The following PSG3 variants were observed in gnomAD, a reference collection of about 807,000 sequenced individuals.
The protein encoded by PSG3 is pregnancy-specific beta-1-glycoprotein 3.
A neutral mutation model predicts 47.5 loss-of-function variants in PSG3; 61 were observed. The observed-to-expected ratio is 1.28, with a 90% CI of 1.05 to 1.59. The LOEUF is 1.59. Among genes scored for constraint, PSG3 ranks in the 40% most tolerant of loss-of-function variants. The probability of loss-of-function intolerance (pLI) is 0.00; values close to 1 mark genes in which losing one functional copy is unlikely to be tolerated. For synonymous variants in PSG3, 263 were observed against 198.4 expected (o/e 1.33, Z -2.74); for missense variants, 756 against 524.0 (o/e 1.44, Z -4.32).
intron 3 of PSG3, chr19:42,731,784 C>T (rs1256759256): frequency 2.0e-5 from 3 of 151,494 alleles, no homozygotes; most frequent in Non-Finnish European, 2.9e-5. Flanking sequence ...ATATTGATAT[C>T]GTCTTTAACT....
chr19:42,723,278 G>A (rs1969325518), intron 6 of PSG3, among the ~76,000 whole-genome samples: 1 of 152,216 alleles, frequency 6.6e-6, no homozygotes, highest in Non-Finnish European at 1.5e-5. Flanking sequence ...GTGTGGTTAA[G>A]TCTGCAGTGC....
chr19:42,735,807 T>C (rs1969554186), intron 2 of PSG3, among the ~76,000 whole-genome samples: 1 of 152,332 alleles, frequency 6.6e-6, no homozygotes, highest in Non-Finnish European at 1.5e-5. Flanking sequence ...ATGTGAGCTT[T>C]ATAGCAGGTT....
chr19:42,732,882 A>G lies in PSG3; in HGVS notation c.611T>C (p.Leu204Pro). 1.2e-6 allele frequency: 2 copies of G among 1,614,170 alleles called. No individual in the cohort carries two copies. Among genetic ancestry groups the G allele is most frequent in the South Asian group, 1.1e-5 (1 of 91,086 alleles). Residue 204 changes from leucine (L) to proline (P), a missense_variant, in exon 3 of 7, where the codon CTA becomes CCA. Transcript: ENST00000327495. ...TGCAGTGTACTTTGTGACACCAAATAGAAAGAGGGTCCTTTTGTTTTTGGA... is the reference window on the plus strand; with the variant it reads ...TGCAGTGTACTTTGTGACACCAAATGGAAAGAGGGTCCTTTTGTTTTTGGA... The part of the protein sequence containing the change: ...QLSKNKRTLF[L>P]FGVTKYTAGP...
At chr19:42,724,183 C>A (rs1301116558) in intron 5 of PSG3, among the ~76,000 whole-genome samples, 158 bp from the exon 6 acceptor site, 1 of 152,142 alleles carries the variant, frequency 6.6e-6, no homozygotes. Flanking sequence ...TATATTCTTG[C>A]AGTTTTTTTT....
Position 42,738,158 on chromosome 19 carries a change from C to A in PSG3, c.430+566G>T, listed in dbSNP as rs538956396. 4.6e-5 allele frequency among the ~76,000 whole-genome samples: 7 copies of A among 152,312 alleles called. No individual in the cohort carries two copies. The Middle Eastern group carries it at 0.014, about 296-fold the overall frequency. On this transcript the variant is annotated intron_variant, in intron 2 of 6. Coordinates refer to ENST00000327495, the MANE Select transcript of PSG3 (RefSeq NM_021016.4). ...GAGTGTCAGGTGAAGAAAGCTCTGT[C>A]CTTGCCCAGATGAGGCTCTGAGGGC... is the stretch of plus-strand genomic sequence containing the variant.
chr19:42,739,105 A>G lies in PSG3; in HGVS notation c.65-16T>C. 6.3e-7 allele frequency: 1 copy of G among 1,588,202 alleles called. No homozygotes were observed. ...AAAAGTAATGCTAGGAGGTGGAGAG[A>G]GCATCAGTCAATATTGAGACCTATG... On this transcript the variant is annotated splice_polypyrimidine_tract_variant and intron_variant, in intron 1 of 6. Coordinates refer to ENST00000327495, the MANE Select transcript of PSG3 (RefSeq NM_021016.4).
chr19:42,728,405 G>C (rs150196818), intron 5 of PSG3, among the ~76,000 whole-genome samples: 4 of 152,288 alleles, frequency 2.6e-5, no homozygotes, highest in Non-Finnish European at 4.4e-5. Context: ...CTGTGTCCCA[G>C]GTGCTGTGCC....
intron 3 of PSG3, among the ~76,000 whole-genome samples, chr19:42,730,399 A>T (rs980827406): frequency 4.3e-4 from 65 of 152,128 alleles, no homozygotes; most frequent in African/African-American, 1.1e-3. Flanking sequence ...CCTTACCTGG[A>T]ATGTGCAACT....
intron 2 of PSG3, among the ~76,000 whole-genome samples, chr19:42,735,570 G>T (rs1568753779): frequency 6.6e-6 from 1 of 152,128 alleles, no homozygotes; most frequent in Non-Finnish European, 1.5e-5. Context: ...GTTTCACCAT[G>T]TTAGCCAGGA....
At chr19:42,734,973 C>G (rs907612932) in intron 2 of PSG3, among the ~76,000 whole-genome samples, 5 of 152,148 alleles carry the variant, frequency 3.3e-5, no homozygotes, top group South Asian at 2.1e-4. Flanking sequence ...AAGTGAGATG[C>G]CAATGGTTTG....
chr19:42,725,888 ACC>A (rs1274829356), intron 5 of PSG3, among the ~76,000 whole-genome samples: 6 of 132,348 alleles, frequency 4.5e-5, no homozygotes, highest in Non-Finnish European at 6.6e-5. Context: ...AACAACAACA[ACC>A]AAAAAAAAAA....
rs11669434 is a variant in PSG3, at chr19:42,734,802, G to C, written c.431-1740C>G. Among the ~76,000 whole-genome samples the C allele has an allele frequency of 5.5e-3, 837 of 152,340 alleles. 3 individuals carry two copies. Among genetic ancestry groups the C allele is most frequent in the Admixed American group, 8.0e-3 (123 of 15,308 alleles). On this transcript the variant is annotated intron_variant, in intron 2 of 6. Transcript: ENST00000327495. ...TGCCAAACTAAAAGAAGTGATGTGT[G>C]TTATGTTAGTAAATATAGAAAGAAC...
At chr19:42,733,252 C>G (rs979485209) in intron 2 of PSG3, 190 bp from the exon 3 acceptor site, 3 of 1,265,022 alleles carry the variant, frequency 2.4e-6, no homozygotes, top group Non-Finnish European at 3.2e-6. Context: ...CTGCCTGCTT[C>G]GTGTGGGAGA....
In PSG3 at chr19:42,738,986, G is replaced by A. The variant is rs1298589306; in HGVS notation, c.168C>T (p.His56=). The stretch of plus-strand genomic sequence containing the variant: ...AGCCAGCAAGATTCTGGGGCAAATT[G>A]TGGACAAGTAGAAGAACGTCCTTCC... ...SKGKDVLLLV[H]NLPQNLAGYI... The change falls in exon 2 of 7, where the codon CAC becomes CAT. Residue 56 remains histidine, a synonymous_variant. Transcript: ENST00000327495. 3.7e-6 allele frequency: 6 copies of A among 1,613,902 alleles called. No homozygotes were observed. Among genetic ancestry groups the A allele is most frequent in the Non-Finnish European group, 5.1e-6 (6 of 1,179,950 alleles).
At chr19:42,739,929 C>G (rs865835836) in intron 1 of PSG3, among the ~76,000 whole-genome samples, 1 of 151,782 alleles carries the variant, frequency 6.6e-6, no homozygotes, top group Non-Finnish European at 1.5e-5. Context: ...ACAGAGACTT[C>G]TTTCCTTTTT....
At chr19:42,722,213 G>A (rs1253654078) in intron 6 of PSG3, 123 bp from the exon 7 acceptor site, 1 of 395,710 alleles carries the variant, frequency 2.5e-6, no homozygotes, top group Non-Finnish European at 4.5e-6. Context: ...TAACATATTT[G>A]ATTTCCAGAA....
chr19:42,733,691 T>C (rs1490722961), intron 2 of PSG3: 1 of 156,842 alleles, frequency 6.4e-6, no homozygotes, highest in East Asian at 1.9e-4. Flanking sequence ...CTTGAGCCAG[T>C]GACCTCTAAA....
At chr19:42,737,402 G>A (rs1009644489) in intron 2 of PSG3, among the ~76,000 whole-genome samples, 5 of 152,106 alleles carry the variant, frequency 3.3e-5, no homozygotes, top group African/African-American at 9.7e-5. Flanking sequence ...GCCTATGGTG[G>A]TGTAGGGTGT....
chr19:42,731,029 G>A (rs890573960), intron 3 of PSG3, among the ~76,000 whole-genome samples: 4 of 152,254 alleles, frequency 2.6e-5, no homozygotes, highest in East Asian at 1.9e-4. Flanking sequence ...CCATGGGTTC[G>A]ACTACTCTAG....
Sources: gnomAD v4.1 joint callset for allele counts (sites outside exome capture counted in the v4.1 genomes callset) on GRCh38, gnomAD v4.1.1 for gene constraint, MANE v1.5 for transcripts, NCBI Gene and HGNC (gene_info 2026-07-23, HGNC 2026-07-21) for gene names.